Variants in CNTNAP2 observed in about 807,000 individuals in gnomAD.
The protein encoded by CNTNAP2 is contactin-associated protein-like 2.
CNTNAP2 carries 98 observed loss-of-function variants against 155.2 expected under a neutral mutation model. The observed-to-expected ratio is 0.63, with a 90% CI of 0.54 to 0.75. The LOEUF is 0.75. Ranked by LOEUF, CNTNAP2 falls within the 30% of genes least tolerant of loss-of-function variation. The pLI, the probability that CNTNAP2 is intolerant of heterozygous loss-of-function variation, is 0.00. For missense variants in CNTNAP2, 1,727 were observed against 1,688.1 expected, an observed-to-expected ratio of 1.02 and a Z score of -0.40; for synonymous variants, 651 against 631.2, an observed-to-expected ratio of 1.03 and a Z score of -0.47.
chr7:146,720,967 A>ATATATTCTATATATATACAG (rs1801281103), intron 1 of CNTNAP2, among the ~76,000 whole-genome samples: 1 of 106,456 alleles, frequency 9.4e-6, no homozygotes, highest in East Asian at 2.9e-4. Flanking sequence ...TATATACAGT[A>ATATATTCTATATATATACAG]TATATATAGA....
chr7:147,743,829 C>T (rs140275346), intron 13 of CNTNAP2, among the ~76,000 whole-genome samples: 242 of 152,242 alleles, frequency 1.6e-3, no homozygotes, highest in African/African-American at 5.5e-3. Flanking sequence ...TCCGTGGCTT[C>T]TCCCCACTGT....
At chr7:146,965,493 T>G (rs1010673516) in intron 3 of CNTNAP2, among the ~76,000 whole-genome samples, 3 of 152,024 alleles carry the variant, frequency 2.0e-5, no homozygotes, top group Non-Finnish European at 4.4e-5. Context: ...TAAATTGCAT[T>G]TTTCTTGAAT....
intron 8 of CNTNAP2, among the ~76,000 whole-genome samples, chr7:147,149,887 G>A (rs1193741344): frequency 6.6e-6 from 1 of 152,190 alleles, no homozygotes; most frequent in South Asian, 2.1e-4. Context: ...GAGGATGTGA[G>A]AAATAGTTAA....
At chr7:146,748,555 T>C (rs1213509892) in intron 1 of CNTNAP2, among the ~76,000 whole-genome samples, 1 of 152,214 alleles carries the variant, frequency 6.6e-6, no homozygotes, top group Admixed American at 6.5e-5. Flanking sequence ...AGAATGATGA[T>C]AGACAAAGTT....
intron 16 of CNTNAP2, among the ~76,000 whole-genome samples, chr7:148,142,093 C>CTCTGTGTGTGTGTG (rs1554476721): frequency 1.5e-5 from 2 of 136,328 alleles, no homozygotes; most frequent in Non-Finnish European, 3.1e-5. Context: ...AGATATGTCT[C>CTCTGTGTGTGTGTG]TGTGTGTGTG....
At chr7:147,352,818 T>C (rs1018483362) in intron 9 of CNTNAP2, among the ~76,000 whole-genome samples, 1 of 152,018 alleles carries the variant, frequency 6.6e-6, no homozygotes, top group Non-Finnish European at 1.5e-5. Flanking sequence ...AAATTATTCT[T>C]TGCCATTAGC....
chr7:146,953,839 CA>C (rs914220060), intron 3 of CNTNAP2, among the ~76,000 whole-genome samples: 5 of 151,158 alleles, frequency 3.3e-5, no homozygotes, highest in South Asian at 2.1e-4. Context: ...TTTCAGATAC[CA>C]AAAAAAGGGA....
intron 1 of CNTNAP2, among the ~76,000 whole-genome samples, chr7:146,207,027 AAAC>A (rs2116877456): frequency 6.6e-6 from 1 of 152,100 alleles, no homozygotes; most frequent in South Asian, 2.1e-4. Context: ...AGCTCTCAAA[AAAC>A]AACATTGGCC....
At position 146,734,377 on chromosome 7, in the gene CNTNAP2, C is replaced by A. The variant is rs1057481983; in HGVS notation, c.98-39894C>A. Among the ~76,000 whole-genome samples, 6 of 151,940 alleles carry A rather than the reference C, an allele frequency of 3.9e-5. No homozygotes were observed. In the East Asian group the frequency reaches 1.2e-3, roughly 29 times the overall value. ...GGGAGTGACTGAGAAGAAGAAAATG[C>A]ACAGAATTTAGTATAAAGAAATCCC... On this transcript the variant is annotated intron_variant, in intron 1 of 23. Transcript: ENST00000361727.
intron 1 of CNTNAP2, among the ~76,000 whole-genome samples, chr7:146,421,824 C>A (rs566082148): frequency 5.9e-5 from 9 of 151,968 alleles, no homozygotes; most frequent in Admixed American, 5.9e-4. Context: ...TCATTAATTA[C>A]CTTTGTATCT....
intron 1 of CNTNAP2, among the ~76,000 whole-genome samples, chr7:146,198,260 A>T (rs773286596): frequency 6.6e-6 from 1 of 152,282 alleles, no homozygotes; most frequent in South Asian, 2.1e-4. Flanking sequence ...AAATATAGGG[A>T]AAGTGATATA....
chr7:146,165,957 C>T (rs1413323205), intron 1 of CNTNAP2, among the ~76,000 whole-genome samples: 1 of 152,066 alleles, frequency 6.6e-6, no homozygotes, highest in Non-Finnish European at 1.5e-5. Flanking sequence ...TTCAATTTTA[C>T]AAAATCAAAA....
chr7:146,475,003 GCGCGCGCGCGCACACACA>G (rs1269442869), intron 1 of CNTNAP2, among the ~76,000 whole-genome samples: 1 of 123,556 alleles, frequency 8.1e-6, no homozygotes, highest in African/African-American at 3.4e-5. Flanking sequence ...GCGCGCACGC[GCGCGCGCGCGCACACACA>G]CACACACACA....
At chr7:148,401,456 A>T (rs926249131) in intron 22 of CNTNAP2, among the ~76,000 whole-genome samples, 1 of 152,226 alleles carries the variant, frequency 6.6e-6, no homozygotes, top group African/African-American at 2.4e-5. Flanking sequence ...ATTATAACCA[A>T]ACATTAGGAC....
intron 13 of CNTNAP2, among the ~76,000 whole-genome samples, chr7:147,766,964 T>C (rs1314372526): frequency 6.6e-6 from 1 of 152,114 alleles, no homozygotes; most frequent in South Asian, 2.1e-4. Flanking sequence ...ATGAAAAAAG[T>C]ACTGACAATT....
intron 3 of CNTNAP2, among the ~76,000 whole-genome samples, chr7:146,943,070 T>C (rs1585172320): frequency 6.6e-6 from 1 of 152,316 alleles, no homozygotes; most frequent in South Asian, 2.1e-4. Context: ...CCCCCTGTCA[T>C]GCAGTCAAAT....
chr7:147,022,590 C>T (rs1471104246), intron 3 of CNTNAP2, among the ~76,000 whole-genome samples: 1 of 147,750 alleles, frequency 6.8e-6, no homozygotes, highest in Admixed American at 6.7e-5. Context: ...ACTATATATA[C>T]ACATACACAA....
intron 8 of CNTNAP2, among the ~76,000 whole-genome samples, chr7:147,212,992 T>C (rs1291325591): frequency 6.6e-6 from 1 of 152,102 alleles, no homozygotes; most frequent in East Asian, 1.9e-4. Flanking sequence ...TATTAGTCAG[T>C]ATTCTCCAGA....
chr7:146,721,285 T>C (rs1287611868), intron 1 of CNTNAP2, among the ~76,000 whole-genome samples: 4 of 131,726 alleles, frequency 3.0e-5, no homozygotes, highest in East Asian at 2.2e-4. Context: ...ATATATATTC[T>C]ATATATATTC....
Sources: gnomAD v4.1 joint callset for allele counts (sites outside exome capture counted in the v4.1 genomes callset) on GRCh38, gnomAD v4.1.1 for gene constraint, MANE v1.5 for transcripts, NCBI Gene and HGNC (gene_info 2026-07-23, HGNC 2026-07-21) for gene names.